CAMTA1: variants seen among roughly 807,000 people sequenced by gnomAD.
CAMTA1 encodes calmodulin binding transcription activator 1, also known as calmodulin-binding transcription activator 1.
CAMTA1 carries 27 observed loss-of-function variants against 170.9 expected under a neutral mutation model. That is an observed-to-expected ratio of 0.16 (90% CI 0.12 to 0.22). The LOEUF is 0.22. Ranked by LOEUF, CAMTA1 falls within the 10% of genes least tolerant of loss-of-function variation. CAMTA1 has a pLI of 1.00. For synonymous variants in CAMTA1, 833 were observed against 891.5 expected (o/e 0.93, Z 1.17); for missense variants, 1,619 against 2,217.2 (o/e 0.73, Z 5.42).
intron 6 of CAMTA1, among the ~76,000 whole-genome samples, chr1:7,488,423 C>T (rs953609127): frequency 6.6e-6 from 1 of 152,100 alleles, no homozygotes; most frequent in Non-Finnish European, 1.5e-5. Flanking sequence ...AGCAAAGGGA[C>T]CCTGAGAGGG....
At chr1:6,963,163 G>A (rs1352824160) in intron 3 of CAMTA1, among the ~76,000 whole-genome samples, 1 of 150,546 alleles carries the variant, frequency 6.6e-6, no homozygotes, top group Non-Finnish European at 1.5e-5. Context: ...CTCCTTGGCA[G>A]GCTCCAGCCT....
chr1:7,604,646 T>C (rs2095471920), intron 6 of CAMTA1, among the ~76,000 whole-genome samples: 1 of 152,036 alleles, frequency 6.6e-6, no homozygotes, highest in Admixed American at 6.6e-5. Context: ...TAGCTCAGAG[T>C]AGTTTGATCG....
intron 4 of CAMTA1, among the ~76,000 whole-genome samples, chr1:7,236,555 C>T (rs919635046): frequency 6.6e-6 from 1 of 152,154 alleles, no homozygotes; most frequent in Non-Finnish European, 1.5e-5. Context: ...CTCCCCTTAC[C>T]GGCTGTGCGA....
At chr1:7,751,757 T>C (rs182469459) in intron 20 of CAMTA1, among the ~76,000 whole-genome samples, 45 of 151,418 alleles carry the variant, frequency 3.0e-4, no homozygotes, top group African/African-American at 1.1e-3. Context: ...CCAGCACTCA[T>C]GTAATTTTAC....
chr1:6,843,325 A>G (rs1043708689), intron 3 of CAMTA1, among the ~76,000 whole-genome samples: 28 of 152,174 alleles, frequency 1.8e-4, no homozygotes, highest in African/African-American at 6.3e-4. Context: ...ACACTGTGAG[A>G]TGAGCATTCC....
chr1:7,683,181 CAAAA>C (rs34814185), intron 11 of CAMTA1, among the ~76,000 whole-genome samples: 1 of 89,500 alleles, frequency 1.1e-5, no homozygotes. Flanking sequence ...GACTCTGTCT[CAAAA>C]AAAAAAAAAA....
At chr1:6,906,437 A>C (rs979852426) in intron 3 of CAMTA1, among the ~76,000 whole-genome samples, 1 of 152,136 alleles carries the variant, frequency 6.6e-6, no homozygotes, top group Admixed American at 6.5e-5. Context: ...CCCAGCCTTA[A>C]ATCAACCAAA....
At chr1:7,411,632 A>G (rs961765754) in intron 5 of CAMTA1, among the ~76,000 whole-genome samples, 7 of 151,808 alleles carry the variant, frequency 4.6e-5, no homozygotes, top group African/African-American at 1.7e-4. Context: ...CCTTGCTGGC[A>G]GCTGATCTTT....
intron 5 of CAMTA1, among the ~76,000 whole-genome samples, chr1:7,255,501 C>T (rs939461145): frequency 1.3e-5 from 2 of 152,080 alleles, no homozygotes; most frequent in East Asian, 1.9e-4. Context: ...GATTCTCCCC[C>T]GCCCCGCCCC....
chr1:7,541,059 T>G (rs1318305389), intron 6 of CAMTA1, among the ~76,000 whole-genome samples: 2 of 152,240 alleles, frequency 1.3e-5, no homozygotes, highest in African/African-American at 4.8e-5. Context: ...ATGTGGGGGC[T>G]GTGCTGGGCA....
intron 6 of CAMTA1, among the ~76,000 whole-genome samples, chr1:7,601,865 G>A (rs2095446429): frequency 1.3e-5 from 2 of 152,038 alleles, no homozygotes; most frequent in South Asian, 4.1e-4. Flanking sequence ...CAGGCAGGGA[G>A]GTTGCAGTGA....
intron 6 of CAMTA1, among the ~76,000 whole-genome samples, chr1:7,543,390 T>C (rs1750823): frequency 0.68 from 104,099 of 152,090 alleles, 35,894 homozygotes; most frequent in Admixed American, 0.71. Flanking sequence ...CCAGCAGCAC[T>C]TGTGGCTGCA....
At chr1:7,136,525 T>A (rs1245657014) in intron 4 of CAMTA1, among the ~76,000 whole-genome samples, 4 of 151,480 alleles carry the variant, frequency 2.6e-5, no homozygotes, top group African/African-American at 9.7e-5. Context: ...TTCCCTATCT[T>A]GAAAAAAAAA....
intron 3 of CAMTA1, among the ~76,000 whole-genome samples, chr1:6,833,224 C>A (rs1306996650): frequency 6.6e-6 from 1 of 152,142 alleles, no homozygotes; most frequent in Non-Finnish European, 1.5e-5. Flanking sequence ...GGAAGAAATT[C>A]CTGTGGGTCT....
In CAMTA1 at chr1:6,832,565, G is replaced by A. The variant is rs570140654; in HGVS notation, c.234+7355G>A. ...TTTGAAATATAGACACACATTTTGGGGGGATCATTTAAGACTCTTCAGACT... is the reference window on the plus strand; with the variant it reads ...TTTGAAATATAGACACACATTTTGGAGGGATCATTTAAGACTCTTCAGACT... On this transcript the variant is annotated intron_variant, in intron 3 of 22. Coordinates refer to ENST00000303635, the MANE Select transcript of CAMTA1 (RefSeq NM_015215.4). 1.4e-4 allele frequency among the ~76,000 whole-genome samples: 21 copies of A among 152,150 alleles called. 2 individuals carry two copies. The South Asian group carries it at 4.2e-3, about 30-fold the overall frequency.
intron 3 of CAMTA1, among the ~76,000 whole-genome samples, chr1:6,941,549 C>T (rs866073754): frequency 1.9e-4 from 29 of 152,132 alleles, no homozygotes; most frequent in Non-Finnish European, 2.1e-4. Context: ...CCAGAAAACA[C>T]ATCAGGGAGG....
At chr1:7,066,282 G>T (rs1708949062) in intron 3 of CAMTA1, among the ~76,000 whole-genome samples, 1 of 152,360 alleles carries the variant, frequency 6.6e-6, no homozygotes, top group East Asian at 1.9e-4. Flanking sequence ...CTTGGCCCAT[G>T]CTTAGGGCCT....
intron 3 of CAMTA1, among the ~76,000 whole-genome samples, chr1:6,857,638 A>G (rs929820078): frequency 4.6e-5 from 7 of 152,140 alleles, no homozygotes; most frequent in Non-Finnish European, 5.9e-5. Flanking sequence ...TTTCATTGGG[A>G]GAGAGAGCTA....
intron 4 of CAMTA1, among the ~76,000 whole-genome samples, chr1:7,130,856 C>T (rs1344904472): frequency 6.6e-6 from 1 of 151,984 alleles, no homozygotes; most frequent in East Asian, 1.9e-4. Context: ...GAATGTATTC[C>T]TATTACTGAG....
Sources: gnomAD v4.1 joint callset for allele counts (sites outside exome capture counted in the v4.1 genomes callset) on GRCh38, gnomAD v4.1.1 for gene constraint, MANE v1.5 for transcripts, NCBI Gene and HGNC (gene_info 2026-07-23, HGNC 2026-07-21) for gene names.